Variants in EYS observed in about 807,000 individuals in gnomAD.
The protein encoded by EYS is EGF-like photoreceptor maintenance factor.
Under a neutral mutation model 282.1 loss-of-function variants are expected in EYS, and 250 were observed. That is an observed-to-expected ratio of 0.89 (90% CI 0.80 to 0.98). The LOEUF is 0.98. Among genes scored for constraint, EYS ranks in the 50% least tolerant of loss-of-function variants. EYS has a pLI of 0.00. For synonymous variants in EYS, 1,355 were observed against 1,282.9 expected, an observed-to-expected ratio of 1.06 and a Z score of -1.20; for missense variants, 4,016 against 3,709.0, an observed-to-expected ratio of 1.08 and a Z score of -2.15.
chr6:64,621,769 A>G (rs1289745694), intron 23 of EYS, among the ~76,000 whole-genome samples: 1 of 152,200 alleles, frequency 6.6e-6, no homozygotes, highest in Admixed American at 6.5e-5. Context: ...ATCACCAGCA[A>G]TATAACACCA....
intron 2 of EYS, among the ~76,000 whole-genome samples, chr6:65,598,828 C>G (rs2149788876): frequency 6.6e-6 from 1 of 152,144 alleles, no homozygotes; most frequent in Non-Finnish European, 1.5e-5. Flanking sequence ...AGTCTTTATC[C>G]TTGAACGTAT....
chr6:65,568,457 A>T (rs1484291111), intron 2 of EYS, among the ~76,000 whole-genome samples: 2 of 151,822 alleles, frequency 1.3e-5, no homozygotes, highest in African/African-American at 4.8e-5. Flanking sequence ...CATGTCAGGG[A>T]TTTTTCAATG....
chr6:64,056,896 TCTC>T (rs1250632478), intron 33 of EYS, among the ~76,000 whole-genome samples: 1 of 152,144 alleles, frequency 6.6e-6, no homozygotes, highest in Non-Finnish European at 1.5e-5. Flanking sequence ...TGTCCTGCAA[TCTC>T]CTCCTTTTTA....
chr6:64,287,268 A>T (rs1768534920), intron 30 of EYS, among the ~76,000 whole-genome samples: 1 of 152,196 alleles, frequency 6.6e-6, no homozygotes, highest in Non-Finnish European at 1.5e-5. Context: ...AATAATTCAC[A>T]TATGATTCAG....
In EYS at chr6:64,277,924, T is replaced by G. The variant is rs1768169742; in HGVS notation, c.6191+29046A>C. ...ACTAAATGATGAAATATATCAAGTC[T>G]AGAGAAAGAGTATGAAACATTCAGA... On this transcript the variant is annotated intron_variant, in intron 30 of 42. Transcript: ENST00000503581. 2.0e-5 allele frequency among the ~76,000 whole-genome samples: 3 copies of G among 152,090 alleles called. 1 individual carries two copies. The South Asian group carries it at 6.2e-4, about 32-fold the overall frequency.
At chr6:64,440,545 A>G (rs1182549054) in intron 26 of EYS, among the ~76,000 whole-genome samples, 1 of 152,060 alleles carries the variant, frequency 6.6e-6, no homozygotes, top group East Asian at 1.9e-4. Context: ...AAAAATAACA[A>G]TGTCCTTTCA....
chr6:63,754,361 G>A (rs571087481), intron 41 of EYS, among the ~76,000 whole-genome samples: 32 of 151,884 alleles, frequency 2.1e-4, no homozygotes, highest in Non-Finnish European at 4.1e-4. Flanking sequence ...CTCCACAACA[G>A]GGCCCAGTGT....
chr6:64,369,524 G>A (rs654722), intron 29 of EYS, among the ~76,000 whole-genome samples: 109,078 of 151,950 alleles, frequency 0.72, 39,343 homozygotes, highest in African/African-American at 0.79. Context: ...CACAATATTG[G>A]TTCTTCCCGT....
At chr6:65,141,152 C>A (rs1273259739) in intron 12 of EYS, among the ~76,000 whole-genome samples, 54 of 152,050 alleles carry the variant, frequency 3.6e-4, no homozygotes, top group Non-Finnish European at 1.3e-4. Flanking sequence ...CCATGGAATA[C>A]TATGCAGCCA....
Position 64,591,349 on chromosome 6 carries a change from G to A in EYS, c.4518C>T (p.Thr1506=), listed in dbSNP as rs762462334. The change falls in exon 26 of 43, where the codon ACC becomes ACT. Residue 1506 remains threonine, a synonymous_variant. Transcript: ENST00000503581. ...GGTGCAGAGCTGATGAGTTTAAGAT[G>A]GTTACCTGTTTAGATATAATTACCT... ...PAKVIISKQV[T]ILNSSALHRF... 9.7e-6 allele frequency: 15 copies of A among 1,551,238 alleles called. No individual in the cohort carries two copies. In the South Asian group the frequency reaches 1.8e-4, roughly 18 times the overall value.
chr6:64,283,192 T>C (rs191604379), intron 30 of EYS, among the ~76,000 whole-genome samples: 93 of 152,308 alleles, frequency 6.1e-4, no homozygotes, highest in African/African-American at 2.2e-3. Flanking sequence ...AATATTGTCC[T>C]GGTCAAGTCC....
chr6:65,490,405 T>A (rs1175482380), intron 5 of EYS, 189 bp downstream of exon 5: 1 of 500,230 alleles, frequency 2.0e-6, no homozygotes, highest in African/African-American at 1.9e-5. Flanking sequence ...ATAAAACATT[T>A]AGCAGTAATA....
At chr6:63,769,909 T>C (rs1769889299) in intron 40 of EYS, among the ~76,000 whole-genome samples, 1 of 152,024 alleles carries the variant, frequency 6.6e-6, no homozygotes, top group Admixed American at 6.6e-5. Context: ...TAATAGAAGA[T>C]TTAATGTTTT....
At chr6:64,309,582 T>A (rs893922439) in intron 29 of EYS, among the ~76,000 whole-genome samples, 1 of 68,760 alleles carries the variant, frequency 1.5e-5, no homozygotes, top group Non-Finnish European at 2.8e-5. Context: ...ACTTTAAATA[T>A]ACAAACAACC....
At chr6:63,938,772 C>A (rs1223782771) in intron 35 of EYS, among the ~76,000 whole-genome samples, 1 of 152,142 alleles carries the variant, frequency 6.6e-6, no homozygotes, top group Non-Finnish European at 1.5e-5. Context: ...GCAAATGTCA[C>A]AAGTAGATGC....
chr6:64,257,885 A>T (rs1767455770), intron 30 of EYS, among the ~76,000 whole-genome samples: 2 of 151,912 alleles, frequency 1.3e-5, no homozygotes, highest in South Asian at 4.1e-4. Context: ...CATTCCCAAG[A>T]CCTTACTTAA....
rs565171576 is a variant in EYS at position 65,295,823 on chromosome 6, T to G, written c.2023+40A>C. The G allele has an allele frequency of 1.3e-5, 19 of 1,447,758 alleles. No homozygotes were observed. The South Asian group carries it at 2.1e-4, about 16-fold the overall frequency. The allele number at this position is 1,447,758 out of a possible 1,614,324, so 89.7% of individuals were successfully genotyped here. A position where few individuals can be genotyped will look rare whatever the true frequency, so the allele number is the denominator to read the frequency against. On this transcript the variant is annotated intron_variant, in intron 12 of 42. Coordinates refer to ENST00000503581, the MANE Select transcript of EYS (RefSeq NM_001142800.2). ...CAAATAAATATATTAACAACATTATTTACTAGAAAATTTAATTTATCAGGA... is the reference window on the plus strand; with the variant it reads ...CAAATAAATATATTAACAACATTATGTACTAGAAAATTTAATTTATCAGGA...
At chr6:64,004,251 GTC>G (rs1768230141) in intron 33 of EYS, among the ~76,000 whole-genome samples, 1 of 151,786 alleles carries the variant, frequency 6.6e-6, no homozygotes, top group Non-Finnish European at 1.5e-5. Context: ...AGTTTTAAAT[GTC>G]TATGAATTTT....
At chr6:65,358,057 C>T (rs1502957) in intron 8 of EYS, among the ~76,000 whole-genome samples, 132,980 of 151,882 alleles carry the variant, frequency 0.88, 58,938 homozygotes, top group Non-Finnish European at 0.95. Context: ...TCAGGTACTA[C>T]GGTAATATTA....
Sources: allele counts gnomAD v4.1 joint callset (sites outside exome capture counted in the v4.1 genomes callset), GRCh38; gene constraint gnomAD v4.1.1; transcripts MANE v1.5; gene names NCBI Gene and HGNC (gene_info 2026-07-23, HGNC 2026-07-21).